DNAH7: variants seen among roughly 807,000 people sequenced by gnomAD.
DNAH7 encodes axonemal beta dynein heavy chain 7.
DNAH7 carries 397 observed loss-of-function variants against 444.6 expected under a neutral mutation model. That is an observed-to-expected ratio of 0.89 (90% CI 0.82 to 0.97). DNAH7 has a LOEUF of 0.97. Ranked by LOEUF, DNAH7 falls within the 50% of genes least tolerant of loss-of-function variation. The pLI is 0.00. For synonymous variants in DNAH7, 1,636 were observed against 1,624.4 expected (o/e 1.01, Z -0.17); for missense variants, 4,902 against 4,800.8 (o/e 1.02, Z -0.62).
At chr2:195,897,905 T>G (rs1472442350) in intron 28 of DNAH7, 140 bp from the exon 29 acceptor site, 2 of 463,916 alleles carry the variant, frequency 4.3e-6, no homozygotes, top group Admixed American at 4.0e-5. Flanking sequence ...TATATTGGAT[T>G]GTTATGAATT....
chr2:195,984,251 A>T (rs953877247), intron 15 of DNAH7, among the ~76,000 whole-genome samples: 2 of 152,238 alleles, frequency 1.3e-5, no homozygotes, highest in Non-Finnish European at 2.9e-5. Flanking sequence ...GACCCCATGG[A>T]GACCAGAAGA....
intron 58 of DNAH7, among the ~76,000 whole-genome samples, chr2:195,781,075 G>A (rs376268156): frequency 3.3e-4 from 34 of 104,374 alleles, no homozygotes; most frequent in African/African-American, 1.0e-3. Context: ...CAAAGCCCTT[G>A]TGAAAAAAAA....
intron 30 of DNAH7, among the ~76,000 whole-genome samples, 176 bp from the exon 31 acceptor site, chr2:195,891,980 T>C (rs1702038589): frequency 6.6e-6 from 1 of 152,192 alleles, no homozygotes; most frequent in Non-Finnish European, 1.5e-5. Context: ...ATTATCTATA[T>C]GCAATGCTAA....
rs1386904513 is a variant in DNAH7 at position 195,738,030 on chromosome 2, G to A, written c.11966C>T (p.Thr3989Ile). 6.2e-7 allele frequency: 1 copy of A among 1,613,940 alleles called. No individual in the cohort carries two copies. The highest frequency in any genetic ancestry group is 8.5e-7 in the Non-Finnish European group (1 of 1,179,940). Residue 3989 changes from threonine (T) to isoleucine (I), a missense_variant, in exon 65 of 65, where the codon ACC (threonine) becomes ATC (isoleucine). Thr to Ile is a moderately conservative substitution (Grantham distance 89). Coordinates refer to ENST00000312428, the MANE Select transcript of DNAH7 (RefSeq NM_018897.3). ...KTSERRGVLS[T>I]TGHSTNFVIA... ...CACAAAATTCGTGGAATGGCCAGTGGTGGATAATACTCCTCTCCGCTCACT... is the reference window on the plus strand; with the variant it reads ...CACAAAATTCGTGGAATGGCCAGTGATGGATAATACTCCTCTCCGCTCACT...
chr2:195,812,812 C>T (rs1388331589), intron 51 of DNAH7, among the ~76,000 whole-genome samples: 3 of 152,172 alleles, frequency 2.0e-5, no homozygotes, highest in Non-Finnish European at 1.5e-5. Flanking sequence ...CAATAACTGC[C>T]TGAAGTCTAC....
At chr2:195,920,219 T>C (rs1290813578) in intron 24 of DNAH7, among the ~76,000 whole-genome samples, 1 of 151,976 alleles carries the variant, frequency 6.6e-6, no homozygotes, top group Non-Finnish European at 1.5e-5. Context: ...AATCCTAAAA[T>C]TCATATGGAA....
intron 46 of DNAH7, among the ~76,000 whole-genome samples, chr2:195,850,692 C>T (rs1435838930): frequency 6.6e-6 from 1 of 152,138 alleles, no homozygotes; most frequent in Non-Finnish European, 1.5e-5. Flanking sequence ...CCTTTGATGT[C>T]AGAAAAGCAC....
At chr2:195,786,988 C>A in intron 58 of DNAH7, 22 bp downstream of exon 58, 1 of 1,546,542 alleles carries the variant, frequency 6.5e-7, no homozygotes, top group Non-Finnish European at 8.7e-7. Context: ...AGGTAATGTC[C>A]TTGCTGTGAT....
Position 195,778,000 on chromosome 2 carries a change from G to C in DNAH7, c.10879-15C>G. The C allele has an allele frequency of 6.3e-7, 1 of 1,582,006 alleles. No homozygotes were observed. Among genetic ancestry groups the C allele is most frequent in the African/African-American group, 1.3e-5 (1 of 74,360 alleles). The stretch of plus-strand genomic sequence containing the variant: ...TACGGCAGTTCCTAAAATAGTGCGT[G>C]TCAGTCAACCAGTTATCAGTAGCAT... On this transcript the variant is annotated splice_polypyrimidine_tract_variant and intron_variant, in intron 58 of 64. Coordinates refer to ENST00000312428, the MANE Select transcript of DNAH7 (RefSeq NM_018897.3).
chr2:195,827,370 T>C lies in DNAH7; in HGVS notation c.9101-2925A>G, dbSNP rs371513193. The stretch of plus-strand genomic sequence containing the variant: ...TCAGCTCACTGCAACCTCCATCTCC[T>C]GGGCTCAGGCCATCTTCCCACCTCA... On this transcript the variant is annotated intron_variant, in intron 48 of 64. Coordinates refer to ENST00000312428, the MANE Select transcript of DNAH7 (RefSeq NM_018897.3). Among the ~76,000 whole-genome samples the C allele has an allele frequency of 3.3e-5, 5 of 152,018 alleles. No individual in the cohort carries two copies. The East Asian group carries it at 7.8e-4, about 24-fold the overall frequency.
At chr2:196,028,821 C>T (rs1695853644) in intron 5 of DNAH7, among the ~76,000 whole-genome samples, 1 of 152,098 alleles carries the variant, frequency 6.6e-6, no homozygotes, top group African/African-American at 2.4e-5. Flanking sequence ...CACTAACTGC[C>T]CAGTGAGGGG....
chr2:195,842,090 C>T (rs1698722484), intron 47 of DNAH7, among the ~76,000 whole-genome samples: 1 of 152,010 alleles, frequency 6.6e-6, no homozygotes, highest in Admixed American at 6.6e-5. Context: ...ATATATCTCT[C>T]TTCTATGGAA....
chr2:196,002,106 T>C (rs1385751897), intron 10 of DNAH7, among the ~76,000 whole-genome samples: 1 of 152,238 alleles, frequency 6.6e-6, no homozygotes, highest in Non-Finnish European at 1.5e-5. Context: ...TTCTAACTCC[T>C]GGAACTATGG....
chr2:195,870,386 G>A (rs1296872545), intron 40 of DNAH7, among the ~76,000 whole-genome samples: 1 of 152,112 alleles, frequency 6.6e-6, no homozygotes, highest in Non-Finnish European at 1.5e-5. Context: ...AAATCTGAAG[G>A]AAGGAAGTGG....
chr2:195,831,839 A>G (rs1698088095), intron 48 of DNAH7, among the ~76,000 whole-genome samples: 1 of 152,150 alleles, frequency 6.6e-6, no homozygotes, highest in African/African-American at 2.4e-5. Context: ...ATAGAAAGGG[A>G]ACGTCCATCA....
At chr2:195,889,286 C>T (rs1008970458) in intron 31 of DNAH7, among the ~76,000 whole-genome samples, 1 of 143,436 alleles carries the variant, frequency 7.0e-6, no homozygotes, top group African/African-American at 2.5e-5. Context: ...TCCCTCCCTT[C>T]CTTCCATCCA....
chr2:195,900,492 A>C lies in DNAH7; in HGVS notation c.4338T>G (p.Ala1446=). ...GRSELPDNLK[A]LFRTVAMMVP... is the part of the protein sequence containing the mutation. ...CCATCATTGCTACTGTCCGAAAGAG[A>C]GCCTATGGGTAGGTAGAAAGTTACT... Residue 1446 remains alanine (A), a splice_region_variant and synonymous_variant, in exon 28 of 65, where the codon GCT becomes GCG. Transcript: ENST00000312428. The C allele has an allele frequency of 6.2e-7, 1 of 1,613,606 alleles. No individual in the cohort carries two copies. The highest frequency in any genetic ancestry group is 8.5e-7 in the Non-Finnish European group (1 of 1,179,618).
chr2:195,764,356 T>C (rs1559080070), intron 61 of DNAH7, among the ~76,000 whole-genome samples: 1 of 152,066 alleles, frequency 6.6e-6, no homozygotes, highest in African/African-American at 2.4e-5. Flanking sequence ...CTTTCACAAC[T>C]GTTATCAACA....
chr2:195,752,498 A>C (rs1693849531), intron 63 of DNAH7, among the ~76,000 whole-genome samples: 1 of 152,192 alleles, frequency 6.6e-6, no homozygotes, highest in Admixed American at 6.5e-5. Context: ...ATCTAGATTG[A>C]AGATTCAGAG....
Sources: gnomAD v4.1 joint callset for allele counts (sites outside exome capture counted in the v4.1 genomes callset) on GRCh38, gnomAD v4.1.1 for gene constraint, MANE v1.5 for transcripts, NCBI Gene and HGNC (gene_info 2026-07-23, HGNC 2026-07-21) for gene names.